The following CNTNAP2 variants were observed in gnomAD, a reference collection of about 807,000 sequenced individuals.
CNTNAP2 encodes contactin-associated protein-like 2.
Under a neutral mutation model 155.2 loss-of-function variants are expected in CNTNAP2, and 98 were observed. The observed-to-expected ratio is 0.63, with a 90% CI of 0.54 to 0.75. The LOEUF (loss-of-function observed/expected upper bound fraction) is 0.75, where lower values mean the gene tolerates loss of function less well. Ranked by LOEUF, CNTNAP2 falls within the 30% of genes least tolerant of loss-of-function variation. The pLI, the probability that CNTNAP2 is intolerant of heterozygous loss-of-function variation, is 0.00. For missense variants in CNTNAP2, 1,727 were observed against 1,688.1 expected (o/e 1.02, Z -0.40); for synonymous variants, 651 against 631.2 (o/e 1.03, Z -0.47).
At chr7:147,671,057 C>A (rs945843599) in intron 13 of CNTNAP2, among the ~76,000 whole-genome samples, 1 of 152,242 alleles carries the variant, frequency 6.6e-6, no homozygotes, top group African/African-American at 2.4e-5. Flanking sequence ...CGGCTCCTGC[C>A]TCCACTTACC....
intron 1 of CNTNAP2, among the ~76,000 whole-genome samples, chr7:146,405,100 C>T (rs1337202007): frequency 1.3e-5 from 2 of 152,068 alleles, no homozygotes; most frequent in Non-Finnish European, 2.9e-5. Context: ...AAATATATTT[C>T]CCATCTGGTG....
intron 8 of CNTNAP2, among the ~76,000 whole-genome samples, chr7:147,236,752 T>G (rs1478725975): frequency 6.6e-6 from 1 of 152,170 alleles, no homozygotes; most frequent in Non-Finnish European, 1.5e-5. Flanking sequence ...AACCTGGGAC[T>G]CACCTTAGAG....
intron 13 of CNTNAP2, among the ~76,000 whole-genome samples, chr7:147,838,645 G>T (rs117503291): frequency 2.0e-5 from 3 of 152,146 alleles, no homozygotes; most frequent in Non-Finnish European, 4.4e-5. Flanking sequence ...CTTTGCTCCA[G>T]TTCCCAACAA....
In CNTNAP2 at chr7:148,278,258, T is replaced by G. The variant is rs1226589958; in HGVS notation, c.3475+11132T>G. 4.6e-5 allele frequency among the ~76,000 whole-genome samples: 7 copies of G among 151,982 alleles called. No homozygotes were observed. The South Asian group carries it at 1.2e-3, about 27-fold the overall frequency. The stretch of plus-strand genomic sequence containing the variant: ...GTGGATGCAGGAGAACTCTGTGACC[T>G]CCTCGATGTACTAAAAAGCCTGAGT... On this transcript the variant is annotated intron_variant, in intron 21 of 23. Coordinates refer to ENST00000361727, the MANE Select transcript of CNTNAP2 (RefSeq NM_014141.6).
At chr7:146,541,227 G>T (rs1797948449) in intron 1 of CNTNAP2, among the ~76,000 whole-genome samples, 1 of 151,992 alleles carries the variant, frequency 6.6e-6, no homozygotes, top group Non-Finnish European at 1.5e-5. Flanking sequence ...AAGGGTTTTG[G>T]TGAGAGAAGT....
At chr7:147,361,581 ATTAC>A (rs1269528929) in intron 9 of CNTNAP2, among the ~76,000 whole-genome samples, 1 of 152,164 alleles carries the variant, frequency 6.6e-6, no homozygotes, top group African/African-American at 2.4e-5. Flanking sequence ...AGTTGTATAT[ATTAC>A]TTCACAAAAA....
At position 146,657,164 on chromosome 7, in the gene CNTNAP2, A is replaced by G. The variant is rs541575353; in HGVS notation, c.98-117107A>G. Among the ~76,000 whole-genome samples the G allele has an allele frequency of 3.9e-5, 6 of 152,238 alleles. No homozygotes were observed. The South Asian group carries it at 1.0e-3, about 26-fold the overall frequency. On this transcript the variant is annotated intron_variant, in intron 1 of 23. Transcript: ENST00000361727. ...CATATTAAGATCTCATTTATTCTCA[A>G]TTTGGGCTTGACTTCTAACAAAAAC...
At chr7:148,323,453 C>G (rs1447445789) in intron 21 of CNTNAP2, among the ~76,000 whole-genome samples, 1 of 148,476 alleles carries the variant, frequency 6.7e-6, no homozygotes, top group South Asian at 2.1e-4. Flanking sequence ...AATTGTTTGC[C>G]TCATTTTCCC....
chr7:147,320,727 A>G (rs1201463867), intron 9 of CNTNAP2, among the ~76,000 whole-genome samples: 1 of 152,196 alleles, frequency 6.6e-6, no homozygotes, highest in East Asian at 1.9e-4. Context: ...AAATCTTGCT[A>G]GGCAGGAATA....
chr7:148,253,382 A>G (rs374528099), intron 20 of CNTNAP2, among the ~76,000 whole-genome samples: 2 of 152,216 alleles, frequency 1.3e-5, no homozygotes, highest in Non-Finnish European at 2.9e-5. Flanking sequence ...CTTATTCTCC[A>G]TATTACATAT....
chr7:146,797,376 C>A (rs1346877959), intron 2 of CNTNAP2, among the ~76,000 whole-genome samples: 2 of 152,074 alleles, frequency 1.3e-5, no homozygotes, highest in Admixed American at 6.5e-5. Flanking sequence ...GCAGGAGACA[C>A]CTTGATATCA....
At chr7:147,472,035 G>A (rs1311883601) in intron 10 of CNTNAP2, among the ~76,000 whole-genome samples, 1 of 152,112 alleles carries the variant, frequency 6.6e-6, no homozygotes, top group Non-Finnish European at 1.5e-5. Flanking sequence ...ACACTTTTCT[G>A]CTCAGTGTTC....
At chr7:148,270,009 G>C (rs531836493) in intron 21 of CNTNAP2, among the ~76,000 whole-genome samples, 62 of 152,198 alleles carry the variant, frequency 4.1e-4, no homozygotes, top group African/African-American at 1.4e-3. Flanking sequence ...TTATTACTTT[G>C]TGGAACCTGC....
chr7:147,613,841 T>C (rs1380660332), intron 12 of CNTNAP2, among the ~76,000 whole-genome samples: 6 of 152,156 alleles, frequency 3.9e-5, no homozygotes, highest in African/African-American at 9.7e-5. Flanking sequence ...AGACTCCGTT[T>C]CCAATAAAAA....
At chr7:146,878,668 ACCCCATTT>A (rs780042660) in intron 3 of CNTNAP2, among the ~76,000 whole-genome samples, 30 of 151,902 alleles carry the variant, frequency 2.0e-4, no homozygotes, top group Non-Finnish European at 4.0e-4. Flanking sequence ...TGTTTCTCTG[ACCCCATTT>A]CTGTGGACCT....
intron 2 of CNTNAP2, among the ~76,000 whole-genome samples, chr7:146,835,624 A>G (rs1803602146): frequency 6.6e-6 from 1 of 152,142 alleles, no homozygotes; most frequent in African/African-American, 2.4e-5. Flanking sequence ...TAAAAAACAC[A>G]CTACAAAGCA....
intron 15 of CNTNAP2, among the ~76,000 whole-genome samples, chr7:148,047,417 G>GA (rs757102435): frequency 2.6e-5 from 4 of 152,112 alleles, no homozygotes; most frequent in African/African-American, 9.7e-5. Context: ...ACTAATGTCT[G>GA]AAAAAAGCTT....
intron 15 of CNTNAP2, among the ~76,000 whole-genome samples, chr7:148,083,436 C>T (rs1481411994): frequency 2.6e-5 from 4 of 151,892 alleles, no homozygotes; most frequent in East Asian, 1.9e-4. Context: ...ATGCACATTC[C>T]GAGGGTGGGA....
chr7:148,187,143 C>CAAAA (rs1400670716), intron 18 of CNTNAP2, among the ~76,000 whole-genome samples: 1 of 141,744 alleles, frequency 7.1e-6, no homozygotes, highest in African/African-American at 2.6e-5. Context: ...CACACACACA[C>CAAAA]ACACAAACAG....
Sources: allele counts gnomAD v4.1 joint callset (sites outside exome capture counted in the v4.1 genomes callset), GRCh38; gene constraint gnomAD v4.1.1; transcripts MANE v1.5; gene names NCBI Gene and HGNC (gene_info 2026-07-23, HGNC 2026-07-21).